SMYD3: variants seen among roughly 807,000 people sequenced by gnomAD.
The protein encoded by SMYD3 is SET and MYND domain containing 3.
A neutral mutation model predicts 57.7 loss-of-function variants in SMYD3; 36 were observed. The ratio of observed to expected loss-of-function variants is 0.62; its 90% CI spans 0.48 to 0.82. The LOEUF is 0.82. Among genes scored for constraint, SMYD3 ranks in the 40% least tolerant of loss-of-function variants. SMYD3 has a pLI of 0.00. For synonymous variants in SMYD3, 211 were observed against 195.0 expected (o/e 1.08, Z -0.68); for missense variants, 515 against 538.8 (o/e 0.96, Z 0.44).
At chr1:246,506,988 C>T in intron 1 of SMYD3, 66 bp downstream of exon 1, 1 of 760,452 alleles carries the variant, frequency 1.3e-6, no homozygotes, top group Non-Finnish European at 1.8e-6. Context: ...GGCCGCCCGA[C>T]GCCCCCCCCT....
chr1:246,481,880 G>A (rs1484557343), intron 1 of SMYD3, among the ~76,000 whole-genome samples: 2 of 151,392 alleles, frequency 1.3e-5, no homozygotes, highest in African/African-American at 2.4e-5. Flanking sequence ...CTTCTGGCTG[G>A]GTGTAATGGC....
chr1:246,200,808 G>A (rs2062911641), intron 5 of SMYD3, among the ~76,000 whole-genome samples: 1 of 152,142 alleles, frequency 6.6e-6, no homozygotes, highest in Non-Finnish European at 1.5e-5. Context: ...TCTTTCTAGA[G>A]CCGAAAATGA....
intron 5 of SMYD3, among the ~76,000 whole-genome samples, chr1:246,129,924 G>A (rs1376813995): frequency 6.6e-6 from 1 of 152,084 alleles, no homozygotes; most frequent in African/African-American, 2.4e-5. Flanking sequence ...CTTCATAGCA[G>A]GCATTTTGAA....
Position 245,979,292 on chromosome 1 carries a change from G to GA in SMYD3, c.532-49356_532-49355insT, listed in dbSNP as rs1220964415. Among the ~76,000 whole-genome samples, 5 of 152,232 alleles carry GA rather than the reference G, an allele frequency of 3.3e-5. No homozygotes were observed. The East Asian group carries it at 9.7e-4, about 29-fold the overall frequency. ...TAAGGAAGTTCCATCCTGTCTAAAGGTGTCTGTTATGGGGTGAATTATGTT... is the reference window on the plus strand; with the variant it reads ...TAAGGAAGTTCCATCCTGTCTAAAGGATGTCTGTTATGGGGTGAATTATGTT... On this transcript the variant is annotated intron_variant, in intron 5 of 11. Transcript: ENST00000490107.
intron 5 of SMYD3, chr1:246,321,634 A>C (rs150854474): frequency 1.3e-5 from 2 of 151,276 alleles, no homozygotes; most frequent in African/African-American, 4.9e-5. Context: ...CGAGTAGCTA[A>C]TTGTAATTTT....
chr1:246,376,746 C>A (rs2066285756), intron 1 of SMYD3, among the ~76,000 whole-genome samples: 1 of 151,998 alleles, frequency 6.6e-6, no homozygotes, highest in South Asian at 2.1e-4. Context: ...AGAGGCTTTA[C>A]TTAGGTCGAC....
chr1:245,953,256 T>C, intron 5 of SMYD3: 8 of 1,000,124 alleles, frequency 8.0e-6, no homozygotes, highest in Non-Finnish European at 9.6e-6. Context: ...TTCCATAGTT[T>C]AAATTTGCTA....
chr1:246,437,642 TAA>T (rs2067399471), intron 1 of SMYD3, among the ~76,000 whole-genome samples: 1 of 152,224 alleles, frequency 6.6e-6, no homozygotes, highest in Non-Finnish European at 1.5e-5. Flanking sequence ...ATTTGTTTGC[TAA>T]AAGATAACGC....
chr1:245,869,653 C>T (rs1025455857), intron 8 of SMYD3, among the ~76,000 whole-genome samples: 1 of 152,188 alleles, frequency 6.6e-6, no homozygotes, highest in African/African-American at 2.4e-5. Context: ...TCTGACCGCA[C>T]AAGCCCCTTG....
chr1:246,307,413 CTTTTTT>C (rs869254416), intron 5 of SMYD3, among the ~76,000 whole-genome samples: 4 of 96,068 alleles, frequency 4.2e-5, no homozygotes, highest in Admixed American at 1.3e-4. Flanking sequence ...TTAGGGGATT[CTTTTTT>C]TTTTTTTTTT....
intron 5 of SMYD3, among the ~76,000 whole-genome samples, chr1:246,204,232 T>C (rs2062963140): frequency 6.6e-6 from 1 of 152,236 alleles, no homozygotes; most frequent in Non-Finnish European, 1.5e-5. Flanking sequence ...TTTTTCCCTA[T>C]AATCTCTTAA....
chr1:245,960,982 A>G (rs372902312), intron 5 of SMYD3, among the ~76,000 whole-genome samples: 2 of 152,202 alleles, frequency 1.3e-5, no homozygotes, highest in Non-Finnish European at 2.9e-5. Flanking sequence ...AAATGGCAAC[A>G]TTTAAAAAAA....
intron 5 of SMYD3, among the ~76,000 whole-genome samples, chr1:246,237,724 T>C (rs950370880): frequency 3.3e-5 from 5 of 152,218 alleles, no homozygotes; most frequent in African/African-American, 1.2e-4. Context: ...CACATGAATA[T>C]ATACAAACAT....
chr1:246,292,012 A>T (rs1272465552), intron 5 of SMYD3, among the ~76,000 whole-genome samples: 1 of 152,042 alleles, frequency 6.6e-6, no homozygotes, highest in Admixed American at 6.5e-5. Context: ...CTTACTATCC[A>T]ACACACCAGT....
intron 10 of SMYD3, among the ~76,000 whole-genome samples, chr1:245,834,167 T>C (rs1426114528): frequency 6.6e-6 from 1 of 152,162 alleles, no homozygotes; most frequent in Non-Finnish European, 1.5e-5. Context: ...GCTGCCTGAC[T>C]GTGGCAAGCT....
chr1:245,830,612 G>C (rs1328054308), intron 10 of SMYD3, among the ~76,000 whole-genome samples: 1 of 152,168 alleles, frequency 6.6e-6, no homozygotes, highest in Non-Finnish European at 1.5e-5. Context: ...TACCCCTCTG[G>C]GGAAGTTTCT....
At chr1:245,936,392 C>G (rs1297364623) in intron 5 of SMYD3, among the ~76,000 whole-genome samples, 1 of 150,980 alleles carries the variant, frequency 6.6e-6, no homozygotes, top group African/African-American at 2.4e-5. Context: ...GCGTGAAGAC[C>G]ACGAAAGTCC....
chr1:245,971,288 G>T (rs112308828), intron 5 of SMYD3, among the ~76,000 whole-genome samples: 2 of 152,140 alleles, frequency 1.3e-5, no homozygotes, highest in Admixed American at 1.3e-4. Flanking sequence ...CACACACCAA[G>T]GCCTGTCTGG....
intron 5 of SMYD3, among the ~76,000 whole-genome samples, chr1:246,302,348 A>AT (rs950725060): frequency 1.2e-4 from 18 of 152,050 alleles, no homozygotes; most frequent in African/African-American, 4.3e-4. Context: ...AAAAGGAAGC[A>AT]TTTTTCAGTC....
Sources: gnomAD v4.1 joint callset for allele counts (sites outside exome capture counted in the v4.1 genomes callset) on GRCh38, gnomAD v4.1.1 for gene constraint, MANE v1.5 for transcripts, NCBI Gene and HGNC (gene_info 2026-07-23, HGNC 2026-07-21) for gene names.